Variants in PDE4B observed in about 807,000 individuals in gnomAD.
The protein encoded by PDE4B is phosphodiesterase 4B, also known as 3',5'-cyclic-AMP phosphodiesterase 4B.
In PDE4B, 20 loss-of-function variants were observed where a neutral mutation model predicts 82.2. That is an observed-to-expected ratio of 0.24 (90% confidence interval 0.17 to 0.35). The LOEUF (loss-of-function observed/expected upper bound fraction) is 0.35, where lower values mean the gene tolerates loss of function less well. Among genes scored for constraint, PDE4B ranks in the 10% least tolerant of loss-of-function variants. The pLI is 1.00. For missense variants in PDE4B, 655 were observed against 907.2 expected (o/e 0.72, Z 3.57); for synonymous variants, 320 against 318.9 (o/e 1.00, Z -0.04).
At chr1:66,246,049 T>C (rs1653287989) in intron 3 of PDE4B, among the ~76,000 whole-genome samples, 1 of 152,240 alleles carries the variant, frequency 6.6e-6, no homozygotes, top group Admixed American at 6.5e-5. Context: ...TTTCACTCAG[T>C]TATCTATTGG....
intron 3 of PDE4B, among the ~76,000 whole-genome samples, chr1:66,121,657 A>C (rs1645711412): frequency 6.6e-6 from 1 of 152,086 alleles, no homozygotes; most frequent in Non-Finnish European, 1.5e-5. Context: ...AATTTTCTTC[A>C]TTCTTGTATG....
chr1:66,251,070 C>T (rs1484574059), intron 4 of PDE4B, among the ~76,000 whole-genome samples: 1 of 152,196 alleles, frequency 6.6e-6, no homozygotes, highest in Non-Finnish European at 1.5e-5. Context: ...GTTTCTAAGA[C>T]TTGAGTTAGA....
chr1:66,071,661 CAT>C, intron 3 of PDE4B, among the ~76,000 whole-genome samples: 1 of 152,042 alleles, frequency 6.6e-6, no homozygotes, highest in Admixed American at 6.6e-5. Context: ...TCTTCTTTGG[CAT>C]CCAGAGTTCA....
At chr1:66,281,340 C>T (rs919832324) in intron 7 of PDE4B, among the ~76,000 whole-genome samples, 4 of 152,252 alleles carry the variant, frequency 2.6e-5, no homozygotes, top group East Asian at 1.9e-4. Context: ...TTCTGTGCTG[C>T]GAGAGCAGAG....
chr1:66,150,603 C>T (rs1292960190), intron 3 of PDE4B, among the ~76,000 whole-genome samples: 1 of 152,140 alleles, frequency 6.6e-6, no homozygotes, highest in Non-Finnish European at 1.5e-5. Context: ...CAGACAGCCT[C>T]GTTTTGTCCC....
chr1:66,023,284 T>C (rs1345935706), intron 3 of PDE4B, among the ~76,000 whole-genome samples: 1 of 152,180 alleles, frequency 6.6e-6, no homozygotes, highest in African/African-American at 2.4e-5. Flanking sequence ...TAAAACCTTT[T>C]GGCCTTCACA....
At chr1:66,320,579 T>G (rs1659331482) in intron 7 of PDE4B, among the ~76,000 whole-genome samples, 1 of 152,186 alleles carries the variant, frequency 6.6e-6, no homozygotes, top group South Asian at 2.1e-4. Flanking sequence ...CAAAGGCCCC[T>G]TTCTTTTTGG....
chr1:66,202,482 A>G (rs1451442974), intron 3 of PDE4B, among the ~76,000 whole-genome samples: 2 of 152,124 alleles, frequency 1.3e-5, no homozygotes, highest in East Asian at 1.9e-4. Context: ...GTGGGAGTCT[A>G]AGTCTCTTTG....
chr1:66,093,239 C>T (rs1225333306), intron 3 of PDE4B, among the ~76,000 whole-genome samples: 1 of 151,886 alleles, frequency 6.6e-6, no homozygotes, highest in Non-Finnish European at 1.5e-5. Flanking sequence ...AGGCAAAAAG[C>T]ATGGTAATGG....
At chr1:66,235,836 G>A (rs981505330) in intron 3 of PDE4B, among the ~76,000 whole-genome samples, 5 of 151,928 alleles carry the variant, frequency 3.3e-5, no homozygotes, top group African/African-American at 1.2e-4. Flanking sequence ...TTTCAGAATC[G>A]GGCAGCCCTC....
chr1:66,199,648 A>G (rs1648694495), intron 3 of PDE4B, among the ~76,000 whole-genome samples: 3 of 152,162 alleles, frequency 2.0e-5, no homozygotes. Context: ...AATAAAATGT[A>G]TGCTTTTTAA....
chr1:66,322,774 C>T (rs1659500583), intron 7 of PDE4B, among the ~76,000 whole-genome samples: 1 of 151,768 alleles, frequency 6.6e-6, no homozygotes, highest in African/African-American at 2.4e-5. Flanking sequence ...CAAATGCTAC[C>T]AGCAACTAGG....
At chr1:66,325,335 A>G (rs1294976022) in intron 7 of PDE4B, among the ~76,000 whole-genome samples, 1 of 152,242 alleles carries the variant, frequency 6.6e-6, no homozygotes, top group East Asian at 1.9e-4. Context: ...CAGACTTACT[A>G]TTTATACAAG....
intron 3 of PDE4B, among the ~76,000 whole-genome samples, chr1:66,124,918 CGT>C (rs58795750): frequency 9.9e-4 from 146 of 148,074 alleles, no homozygotes; most frequent in Admixed American, 1.7e-3. Flanking sequence ...TGTGTGTATG[CGT>C]GTGTGTGTGT....
intron 1 of PDE4B, among the ~76,000 whole-genome samples, chr1:65,843,672 A>G (rs1488560801): frequency 6.6e-6 from 1 of 152,042 alleles, no homozygotes; most frequent in Non-Finnish European, 1.5e-5. Context: ...GAAAGACAGG[A>G]TTTGTTTTTT....
chr1:65,867,403 T>C (rs1361375130), intron 1 of PDE4B, among the ~76,000 whole-genome samples: 1 of 152,230 alleles, frequency 6.6e-6, no homozygotes, highest in Non-Finnish European at 1.5e-5. Context: ...AGCAAAGTTA[T>C]TTCTTTTAAC....
rs578188666 is a variant in PDE4B at position 65,848,227 on chromosome 1, C to A, written c.-71+54979C>A. Among the ~76,000 whole-genome samples the A allele has an allele frequency of 2.6e-5, 4 of 152,136 alleles. No homozygotes were observed. The East Asian group carries it at 7.7e-4, about 29-fold the overall frequency. ...GATCTTGGCTCACTGCAACCTCCACCTTCTGGGTTCAAGCAGTTCTCCCGC... is the reference window on the plus strand; with the variant it reads ...GATCTTGGCTCACTGCAACCTCCACATTCTGGGTTCAAGCAGTTCTCCCGC... On this transcript the variant is annotated intron_variant, in intron 1 of 16. Coordinates refer to ENST00000341517, the MANE Select transcript of PDE4B (RefSeq NM_002600.4).
At chr1:66,178,718 G>A (rs1327213885) in intron 3 of PDE4B, among the ~76,000 whole-genome samples, 2 of 152,162 alleles carry the variant, frequency 1.3e-5, no homozygotes, top group Non-Finnish European at 2.9e-5. Context: ...AAGATATGCT[G>A]CGTGCTGAAA....
chr1:66,112,131 T>G (rs921346229), intron 3 of PDE4B, among the ~76,000 whole-genome samples: 1 of 152,124 alleles, frequency 6.6e-6, no homozygotes, highest in African/African-American at 2.4e-5. Flanking sequence ...CTGGGAGGAT[T>G]ATAAAAAAAC....
Sources: gnomAD v4.1 joint callset for allele counts (sites outside exome capture counted in the v4.1 genomes callset) on GRCh38, gnomAD v4.1.1 for gene constraint, MANE v1.5 for transcripts, NCBI Gene and HGNC (gene_info 2026-07-23, HGNC 2026-07-21) for gene names.